BMERB1: variants seen among roughly 807,000 people sequenced by gnomAD.
BMERB1 encodes bMERB domain containing 1.
BMERB1 carries 12 observed loss-of-function variants against 23.6 expected under a neutral mutation model. The observed-to-expected ratio is 0.51, with a 90% CI of 0.33 to 0.82. The LOEUF is 0.82. BMERB1 is among the 40% of genes least tolerant of loss of function. The pLI, the probability that BMERB1 is intolerant of heterozygous loss-of-function variation, is 0.03. For synonymous variants in BMERB1, 122 were observed against 96.6 expected (o/e 1.26, Z -1.54); for missense variants, 247 against 255.4 (o/e 0.97, Z 0.22).
chr16:15,441,611 C>G (rs2050939633), intron 1 of BMERB1, among the ~76,000 whole-genome samples: 1 of 152,142 alleles, frequency 6.6e-6, no homozygotes, highest in Admixed American at 6.6e-5. Context: ...CTCTTGACCT[C>G]AAGTGATCCA....
chr16:15,572,361 G>A (rs2030751096), intron 3 of BMERB1, among the ~76,000 whole-genome samples: 1 of 152,190 alleles, frequency 6.6e-6, no homozygotes, highest in African/African-American at 2.4e-5. Flanking sequence ...TCTAGCTTTC[G>A]TGAGCATTTA....
chr16:15,534,286 CAAAAAAAAAAAAAAAAAA>C (rs1168488547), intron 2 of BMERB1, among the ~76,000 whole-genome samples: 3 of 41,960 alleles, frequency 7.1e-5, no homozygotes, highest in African/African-American at 3.8e-4. Context: ...TTTTTAATTG[CAAAAAAAAAAAAAAAAAA>C]AAAAAAAAAA....
At chr16:15,553,426 A>G (rs979792569) in intron 2 of BMERB1, among the ~76,000 whole-genome samples, 1 of 152,210 alleles carries the variant, frequency 6.6e-6, no homozygotes, top group African/African-American at 2.4e-5. Flanking sequence ...GTGAGCTATG[A>G]TTACACTCCT....
intron 2 of BMERB1, among the ~76,000 whole-genome samples, chr16:15,529,590 G>A (rs538968081): frequency 2.6e-5 from 4 of 152,288 alleles, no homozygotes; most frequent in African/African-American, 7.2e-5. Context: ...CATGAGGACA[G>A]AGGCTGAGCT....
intron 2 of BMERB1, among the ~76,000 whole-genome samples, chr16:15,564,245 A>G (rs1198077474): frequency 6.6e-6 from 1 of 152,232 alleles, no homozygotes; most frequent in Admixed American, 6.5e-5. Context: ...TCATTACTCA[A>G]TCAAAACTTG....
At chr16:15,528,837 T>A (rs1232367985) in intron 2 of BMERB1, among the ~76,000 whole-genome samples, 1 of 152,048 alleles carries the variant, frequency 6.6e-6, no homozygotes, top group Non-Finnish European at 1.5e-5. Context: ...TGAGGGCAGA[T>A]CCTCATGGAT....
chr16:15,495,618 G>A (rs755493491), intron 1 of BMERB1, among the ~76,000 whole-genome samples: 13 of 152,014 alleles, frequency 8.6e-5, no homozygotes, highest in East Asian at 5.8e-4. Context: ...TGCCCACCTC[G>A]GCCTCCCGAA....
intron 1 of BMERB1, 96 bp from the exon 2 acceptor site, chr16:15,515,209 G>T: frequency 1.3e-6 from 2 of 1,552,624 alleles, no homozygotes; most frequent in Non-Finnish European, 1.8e-6. Context: ...GTGTATGATG[G>T]TCGCAGAGCA....
intron 3 of BMERB1, among the ~76,000 whole-genome samples, chr16:15,571,849 C>T (rs572507715): frequency 7.9e-5 from 12 of 152,194 alleles, no homozygotes; most frequent in African/African-American, 2.6e-4. Context: ...TCCTCTACTC[C>T]GCGTTTCCTT....
At chr16:15,466,375 A>G (rs1483292272) in intron 1 of BMERB1, among the ~76,000 whole-genome samples, 1 of 151,756 alleles carries the variant, frequency 6.6e-6, no homozygotes, top group Non-Finnish European at 1.5e-5. Context: ...ATTAGCTGGA[A>G]TTTCCTCTTC....
At chr16:15,540,261 C>G (rs2052065997) in intron 2 of BMERB1, among the ~76,000 whole-genome samples, 1 of 152,088 alleles carries the variant, frequency 6.6e-6, no homozygotes, top group African/African-American at 2.4e-5. Context: ...TAAAAGAGAA[C>G]ACGCCTGTAA....
At chr16:15,476,307 C>T (rs767881949) in intron 1 of BMERB1, among the ~76,000 whole-genome samples, 14 of 151,898 alleles carry the variant, frequency 9.2e-5, no homozygotes, top group Non-Finnish European at 2.1e-4. Flanking sequence ...GGGTTACTGG[C>T]GCCCACCACC....
At chr16:15,435,030 C>T (rs538635717) in intron 1 of BMERB1, among the ~76,000 whole-genome samples, 1 of 152,374 alleles carries the variant, frequency 6.6e-6, no homozygotes, top group South Asian at 2.1e-4. Flanking sequence ...TTAGGAGTCC[C>T]GGATCCGTCA....
chr16:15,460,137 C>T (rs1257938710), intron 1 of BMERB1, among the ~76,000 whole-genome samples: 1 of 152,162 alleles, frequency 6.6e-6, no homozygotes, highest in Non-Finnish European at 1.5e-5. Context: ...TTCCCCTACC[C>T]TTCTCCAACT....
At chr16:15,467,032 A>G (rs1051076315) in intron 1 of BMERB1, among the ~76,000 whole-genome samples, 4 of 152,190 alleles carry the variant, frequency 2.6e-5, no homozygotes, top group African/African-American at 9.7e-5. Context: ...TCAGCCATTC[A>G]TTCCTTTTCA....
intron 1 of BMERB1, among the ~76,000 whole-genome samples, chr16:15,438,102 T>G (rs2050904594): frequency 6.6e-6 from 1 of 152,016 alleles, no homozygotes; most frequent in East Asian, 1.9e-4. Flanking sequence ...TCTTTTCTTT[T>G]TTGAGATGGA....
intron 1 of BMERB1, among the ~76,000 whole-genome samples, chr16:15,435,180 C>T (rs970891556): frequency 6.6e-6 from 1 of 152,218 alleles, no homozygotes; most frequent in Non-Finnish European, 1.5e-5. Context: ...GGGGGAGTGT[C>T]TGCTGGTTTT....
chr16:15,444,133 T>TG (rs2050968637), intron 1 of BMERB1, among the ~76,000 whole-genome samples: 1 of 115,430 alleles, frequency 8.7e-6, no homozygotes, highest in African/African-American at 3.2e-5. Flanking sequence ...GTTTTTTTTT[T>TG]TTTTTTTTTT....
intron 3 of BMERB1, among the ~76,000 whole-genome samples, chr16:15,568,580 G>A (rs545191380): frequency 1.4e-3 from 213 of 152,288 alleles, no homozygotes; most frequent in Middle Eastern, 6.8e-3. Flanking sequence ...GGAGGTTGCA[G>A]TGAGCTGAGA....
Sources: gnomAD v4.1 joint callset for allele counts (sites outside exome capture counted in the v4.1 genomes callset) on GRCh38, gnomAD v4.1.1 for gene constraint, MANE v1.5 for transcripts, NCBI Gene and HGNC (gene_info 2026-07-23, HGNC 2026-07-21) for gene names.